Variants in AMMECR1 observed in about 807,000 individuals in gnomAD.
AMMECR1 encodes the protein AMMECR nuclear protein 1.
AMMECR1 carries 3 observed loss-of-function variants against 22.5 expected under a neutral mutation model. The ratio of observed to expected loss-of-function variants is 0.13; its 90% CI spans 0.06 to 0.35. The LOEUF (loss-of-function observed/expected upper bound fraction) is 0.35, where lower values mean the gene tolerates loss of function less well. AMMECR1 is among the 10% of genes least tolerant of loss of function. The pLI, the probability that AMMECR1 is intolerant of heterozygous loss-of-function variation, is 1.00. For synonymous variants in AMMECR1, 130 were observed against 116.7 expected (o/e 1.11, Z -0.74); for missense variants, 235 against 278.7 (o/e 0.84, Z 1.12).
At chrX:110,281,569 CTTTG>C (rs958750161) in intron 1 of AMMECR1, among the ~76,000 whole-genome samples, 7 of 111,820 alleles carry the variant, frequency 6.3e-5, no homozygotes, top group Non-Finnish European at 9.4e-5. Flanking sequence ...TCCAATCTGT[CTTTG>C]TTTGGCCATG....
chrX:110,426,985 G>C (rs2068759023), intron 1 of AMMECR1, among the ~76,000 whole-genome samples: 1 of 112,188 alleles, frequency 8.9e-6, no homozygotes, highest in South Asian at 3.7e-4. Flanking sequence ...TGGTTGCCCA[G>C]GGCAAAAACC....
At position 110,317,807 on chromosome X, in the gene AMMECR1, G is replaced by A. The variant is rs2068058039; in HGVS notation, c.265C>T (p.Pro89Ser). ...GGGGIALSPP[P>S]SCGVGTLLST... ...AGTAGGGTCCCCACTCCGCAGCTCG[G>A]AGGTGGCGACAGGGCGATCCCCCCG... The change falls in exon 1 of 6, where the codon CCG becomes TCG. Residue 89 changes from proline (P) to serine (S), a missense_variant. Physicochemically the swap from Pro to Ser is moderately conservative, Grantham distance 74. Transcript: ENST00000262844. 1 of 1,165,517 alleles carries A rather than the reference G, an allele frequency of 8.6e-7. No individual in the cohort carries two copies.
intron 2 of AMMECR1, among the ~76,000 whole-genome samples, chrX:110,237,569 C>T (rs1237989311): frequency 9.0e-6 from 1 of 111,675 alleles, no homozygotes; most frequent in Non-Finnish European, 1.9e-5. Flanking sequence ...CTCTCAATCA[C>T]ATTAGACTTT....
intron 2 of AMMECR1, among the ~76,000 whole-genome samples, chrX:110,380,670 C>T (rs1038719861): frequency 8.9e-6 from 1 of 112,234 alleles, no homozygotes; most frequent in Non-Finnish European, 1.9e-5. Flanking sequence ...AAGCTGGAGG[C>T]ATCACATTAC....
intron 2 of AMMECR1, among the ~76,000 whole-genome samples, chrX:110,383,490 C>G (rs1055527098): frequency 9.0e-6 from 1 of 111,176 alleles, no homozygotes; most frequent in African/African-American, 3.3e-5. Context: ...TTTCTTATTA[C>G]TCAGCCTACC....
At chrX:110,423,354 G>GAAAAAC (rs1247140840) in intron 2 of AMMECR1, among the ~76,000 whole-genome samples, 1 of 110,047 alleles carries the variant, frequency 9.1e-6, no homozygotes, top group Non-Finnish European at 1.9e-5. Flanking sequence ...AAAAGAAAAA[G>GAAAAAC]AAAGAGGAAG....
chrX:110,385,528 C>G (rs1569419526), intron 2 of AMMECR1, among the ~76,000 whole-genome samples: 2 of 111,726 alleles, frequency 1.8e-5, no homozygotes, highest in East Asian at 2.8e-4. Flanking sequence ...TCCCTCTCCC[C>G]CTTCCCAGCT....
At chrX:110,225,844 C>A (rs1252259085) in intron 2 of AMMECR1, among the ~76,000 whole-genome samples, 1 of 111,488 alleles carries the variant, frequency 9.0e-6, no homozygotes, top group African/African-American at 3.3e-5. Context: ...CCACCATGAA[C>A]TCTCACCAAA....
chrX:110,423,470 G>T (rs1431532907), intron 2 of AMMECR1, among the ~76,000 whole-genome samples: 1 of 112,337 alleles, frequency 8.9e-6, no homozygotes, highest in Non-Finnish European at 1.9e-5. Context: ...TGCTCAGCCT[G>T]AGAGGCTCTC....
chrX:110,271,923 A>T (rs546793208), intron 1 of AMMECR1, among the ~76,000 whole-genome samples: 173 of 111,695 alleles, frequency 1.5e-3, no homozygotes, highest in African/African-American at 5.2e-3. Flanking sequence ...CTTTACTATT[A>T]AAAAAAATTA....
chrX:110,196,367 ACCTTTTTTT>A lies in AMMECR1; in HGVS notation c.*2144_*2152del, dbSNP rs2067370495. On this transcript the variant is annotated 3_prime_UTR_variant, in exon 6 of 6. Transcript: ENST00000262844. Reference sequence around the variant, plus strand: ...TCTCTTCAGTTTGCTTGTTTTATTTACCTTTTTTTCCTTTTTTTTGTTTTTTGTTTTGTT... The same window carrying A: ...TCTCTTCAGTTTGCTTGTTTTATTTACCTTTTTTTTGTTTTTTGTTTTGTT... 1 of 103,796 alleles carries A rather than the reference ACCTTTTTTT, an allele frequency of 9.6e-6. No homozygotes were observed. The highest frequency in any genetic ancestry group is 3.6e-5 in the African/African-American group (1 of 28,167). 8.6% of individuals were successfully genotyped at this position (103,796 alleles called of 1,213,427 possible). A position where few individuals can be genotyped will look rare whatever the true frequency, so the allele number is the denominator to read the frequency against.
At chrX:110,366,248 T>G (rs1475358188) in intron 2 of AMMECR1, among the ~76,000 whole-genome samples, 1 of 111,970 alleles carries the variant, frequency 8.9e-6, no homozygotes, top group African/African-American at 3.2e-5. Context: ...TAGTATTACA[T>G]AAAGAGCTCC....
chrX:110,231,179 C>T (rs1051396473), intron 2 of AMMECR1, among the ~76,000 whole-genome samples: 1 of 111,415 alleles, frequency 9.0e-6, no homozygotes, highest in Non-Finnish European at 1.9e-5. Context: ...ATACAGAGAA[C>T]GCCACAAAGA....
upstream of AMMECR1, among the ~76,000 whole-genome samples, chrX:110,322,037 T>C (rs955575011): frequency 8.9e-6 from 1 of 112,637 alleles, no homozygotes; most frequent in Admixed American, 9.4e-5. Flanking sequence ...CCTTCCAAAA[T>C]TCTTTCTTTA....
intron 2 of AMMECR1, among the ~76,000 whole-genome samples, chrX:110,253,823 A>T (rs1258947938): frequency 8.9e-6 from 1 of 112,217 alleles, no homozygotes; most frequent in Non-Finnish European, 1.9e-5. Context: ...TGTCACATTG[A>T]CACTCTTCAA....
At chrX:110,388,349 G>A (rs935181768) in intron 2 of AMMECR1, among the ~76,000 whole-genome samples, 1 of 111,727 alleles carries the variant, frequency 9.0e-6, no homozygotes, top group African/African-American at 3.3e-5. Flanking sequence ...TTCCAAACCT[G>A]GGTGTGTTAA....
chrX:110,266,110 G>GTTT (rs752019966), intron 1 of AMMECR1, among the ~76,000 whole-genome samples: 1 of 92,668 alleles, frequency 1.1e-5, no homozygotes, highest in Non-Finnish European at 2.2e-5. Flanking sequence ...GTAAAAGCCA[G>GTTT]TTTTTTTTTT....
chrX:110,216,363 A>G (rs1463921878), intron 3 of AMMECR1, among the ~76,000 whole-genome samples, 155 bp downstream of exon 3: 1 of 111,985 alleles, frequency 8.9e-6, no homozygotes, highest in East Asian at 2.8e-4. Context: ...TCATTTACTT[A>G]TATCTCGTTC....
chrX:110,242,910 G>A (rs2067640714), intron 2 of AMMECR1, among the ~76,000 whole-genome samples: 3 of 111,931 alleles, frequency 2.7e-5, no homozygotes, highest in African/African-American at 6.5e-5. Flanking sequence ...TCAATGCTAG[G>A]CTATTACAGT....
Sources: allele counts gnomAD v4.1 joint callset (sites outside exome capture counted in the v4.1 genomes callset), GRCh38; gene constraint gnomAD v4.1.1; transcripts MANE v1.5; gene names NCBI Gene and HGNC (gene_info 2026-07-23, HGNC 2026-07-21).